The following MYO5B variants were observed in gnomAD, a reference collection of about 807,000 sequenced individuals.
MYO5B encodes myosin VB, also known as unconventional myosin-Vb.
MYO5B carries 143 observed loss-of-function variants against 229.3 expected under a neutral mutation model. The ratio of observed to expected loss-of-function variants is 0.62; its 90% CI spans 0.54 to 0.72. The LOEUF is 0.72. MYO5B is among the 30% of genes least tolerant of loss of function. The pLI, the probability that MYO5B is intolerant of heterozygous loss-of-function variation, is 0.00. For synonymous variants in MYO5B, 918 were observed against 885.2 expected, an observed-to-expected ratio of 1.04 and a Z score of -0.66; for missense variants, 2,321 against 2,331.0, an observed-to-expected ratio of 1.00 and a Z score of 0.09.
chr18:50,072,441 G>A (rs1229701460), intron 1 of MYO5B, among the ~76,000 whole-genome samples: 2 of 152,138 alleles, frequency 1.3e-5, no homozygotes, highest in Admixed American at 6.5e-5. Context: ...AGCCTGGGGG[G>A]AAATTAGAAA....
intron 4 of MYO5B, among the ~76,000 whole-genome samples, chr18:50,008,914 AAT>A (rs2026132221): frequency 6.6e-6 from 1 of 152,196 alleles, no homozygotes; most frequent in South Asian, 2.1e-4. Context: ...GATCACCGAC[AAT>A]AGTTTTTAAA....
intron 4 of MYO5B, among the ~76,000 whole-genome samples, chr18:50,026,145 A>T (rs2026328611): frequency 6.6e-6 from 1 of 152,224 alleles, no homozygotes; most frequent in Non-Finnish European, 1.5e-5. Context: ...ACCAGAAGGG[A>T]CTATCACTTC....
intron 1 of MYO5B, among the ~76,000 whole-genome samples, chr18:50,129,298 C>G (rs907959380): frequency 2.6e-5 from 4 of 152,370 alleles, no homozygotes; most frequent in African/African-American, 9.6e-5. Context: ...ACACTTACCA[C>G]AAACCCAGGG....
intron 2 of MYO5B, among the ~76,000 whole-genome samples, chr18:50,051,641 C>A (rs555217471): frequency 6.6e-6 from 1 of 152,300 alleles, no homozygotes; most frequent in African/African-American, 2.4e-5. Context: ...AGAGTTGGCA[C>A]ACCTAGATAC....
rs575729461 is a variant in MYO5B, at chr18:49,906,438, G to A, written c.2395C>T (p.Arg799Trp). ...GATLTLQRYC[R>W]GHLARRLAEH... ...GCTCACCTGCGGGCCAGGTGTCCCC[G>A]GCAGTACCTCTGCAGGGTTAAGGTA... The change falls in exon 19 of 40, where the codon CGG becomes TGG. Residue 799 changes from arginine to tryptophan, a missense_variant. Around this residue, in one of 2 missense-constraint regions of MYO5B, gnomAD observed 2,113 missense variants for 2,044.7 expected, o/e 1.03. Transcript: ENST00000285039. 1.2e-5 allele frequency: 20 copies of A among 1,614,082 alleles called. No homozygotes were observed. Among genetic ancestry groups the A allele is most frequent in the South Asian group, 2.2e-5 (2 of 91,078 alleles).
chr18:49,872,025 A>C (rs1264956797), intron 27 of MYO5B, 142 bp downstream of exon 27: 18 of 810,758 alleles, frequency 2.2e-5, no homozygotes, highest in Non-Finnish European at 3.5e-5. Context: ...AAGAAACTAC[A>C]GCATGGAAAA....
chr18:49,999,628 G>A (rs574431788), intron 5 of MYO5B, among the ~76,000 whole-genome samples: 1 of 152,240 alleles, frequency 6.6e-6, no homozygotes, highest in Non-Finnish European at 1.5e-5. Context: ...TTATCAGCAG[G>A]CTGTAGTATT....
chr18:49,932,322 C>T (rs1203337091), intron 16 of MYO5B, among the ~76,000 whole-genome samples: 2 of 152,148 alleles, frequency 1.3e-5, no homozygotes, highest in Admixed American at 6.5e-5. Flanking sequence ...TTGGGGACAT[C>T]GGTTTTCTCT....
intron 1 of MYO5B, among the ~76,000 whole-genome samples, chr18:50,093,588 C>T (rs1008770036): frequency 2.0e-5 from 3 of 152,052 alleles, no homozygotes; most frequent in East Asian, 3.9e-4. Flanking sequence ...GGAAGTTAGG[C>T]ATCCAAGTCA....
Position 49,871,295 on chromosome 18 carries a change from G to A in MYO5B, c.3603+872C>T, listed in dbSNP as rs139567438. 6.6e-4 allele frequency among the ~76,000 whole-genome samples: 100 copies of A among 152,348 alleles called. 1 individual carries two copies. Among genetic ancestry groups the A allele is most frequent in the African/African-American group, 2.3e-3 (96 of 41,570 alleles). ...TTGGGGGAGGAGGAACTGGGAAGTT[G>A]TTAATGGGTACGGGCTTCAGTTTTA... On this transcript the variant is annotated intron_variant, in intron 27 of 39. Transcript: ENST00000285039.
chr18:49,881,374 G>C (rs1004172159), intron 22 of MYO5B, among the ~76,000 whole-genome samples: 34 of 151,862 alleles, frequency 2.2e-4, no homozygotes, highest in Non-Finnish European at 3.5e-4. Flanking sequence ...ACACTCAACT[G>C]TCTAATCTAG....
At chr18:50,090,280 T>C (rs984171228) in intron 1 of MYO5B, among the ~76,000 whole-genome samples, 1 of 150,620 alleles carries the variant, frequency 6.6e-6, no homozygotes, top group Non-Finnish European at 1.5e-5. Flanking sequence ...GAGGTTGAGG[T>C]TGCAGTGAAC....
At chr18:50,074,965 C>T (rs533853349) in intron 1 of MYO5B, among the ~76,000 whole-genome samples, 77 of 150,976 alleles carry the variant, frequency 5.1e-4, no homozygotes, top group African/African-American at 1.4e-3. Context: ...GGATTACAGG[C>T]GCACCCCATC....
chr18:49,833,594 T>A (rs1002611806), intron 39 of MYO5B, among the ~76,000 whole-genome samples: 4 of 152,250 alleles, frequency 2.6e-5, no homozygotes, highest in Admixed American at 6.5e-5. Flanking sequence ...TGCAGTATGA[T>A]GTGGCATATA....
At position 49,879,546 on chromosome 18, in the gene MYO5B, A is replaced by G. The variant is rs2024563870; in HGVS notation, c.3131-456T>C. On this transcript the variant is annotated intron_variant, in intron 23 of 39. Coordinates refer to ENST00000285039, the MANE Select transcript of MYO5B (RefSeq NM_001080467.3). ...AAGGATGGGCTACTTCCCTGCCAAAACTTATTCACATTAACGGACAGAAAA... is the reference window on the plus strand; with the variant it reads ...AAGGATGGGCTACTTCCCTGCCAAAGCTTATTCACATTAACGGACAGAAAA... 1.9e-5 allele frequency: 4 copies of G among 215,106 alleles called. No homozygotes were observed. In the South Asian group the frequency reaches 3.3e-4, roughly 18 times the overall value. 13.3% of individuals were successfully genotyped at this position (215,106 alleles called of 1,614,324 possible).
intron 2 of MYO5B, among the ~76,000 whole-genome samples, chr18:50,044,500 T>G (rs1181380150): frequency 6.6e-6 from 1 of 152,056 alleles, no homozygotes; most frequent in South Asian, 2.1e-4. Context: ...GAGTGGACCT[T>G]GCCTCCTTTC....
chr18:49,937,362 C>T lies in MYO5B; in HGVS notation c.1788G>A (p.Lys596=), dbSNP rs370132961. 10 of 1,613,986 alleles carry T rather than the reference C, an allele frequency of 6.2e-6. No individual in the cohort carries two copies. The African/African-American group carries it at 1.3e-4, about 22-fold the overall frequency. ...PLVADLFHDD[K]DPVPATTPGK... Reference sequence around the variant, plus strand: ...CAGGGGTGGTGGCAGGAACAGGGTCCTTGTCATCATGAAACAAGTCAGCCA... The same window carrying T: ...CAGGGGTGGTGGCAGGAACAGGGTCTTTGTCATCATGAAACAAGTCAGCCA... The change falls in exon 15 of 40, where the codon AAG becomes AAA. Residue 596 remains lysine, a synonymous_variant. Transcript: ENST00000285039.
chr18:50,033,454 G>A (rs1007515069), intron 4 of MYO5B, among the ~76,000 whole-genome samples: 2 of 152,148 alleles, frequency 1.3e-5, no homozygotes, highest in African/African-American at 2.4e-5. Flanking sequence ...CTTGGCCTAC[G>A]TACGTCTTTT....
chr18:49,949,521 A>T (rs906034030), intron 14 of MYO5B, among the ~76,000 whole-genome samples: 2 of 152,210 alleles, frequency 1.3e-5, no homozygotes, highest in Non-Finnish European at 2.9e-5. Flanking sequence ...TTACATTCTC[A>T]TTAACACCCT....
Sources: gnomAD v4.1 joint callset for allele counts (sites outside exome capture counted in the v4.1 genomes callset) on GRCh38, gnomAD v4.1.1 for gene constraint, gnomAD v4.1.1 regional missense constraint, MANE v1.5 for transcripts, NCBI Gene and HGNC (gene_info 2026-07-23, HGNC 2026-07-21) for gene names.